Variants in MYO18B observed in about 807,000 individuals in gnomAD.
MYO18B encodes the protein myosin XVIIIB, also known as unconventional myosin-XVIIIb.
Under a neutral mutation model 273.0 loss-of-function variants are expected in MYO18B, and 204 were observed. The observed-to-expected ratio is 0.75, with a 90% CI of 0.67 to 0.84. The LOEUF (loss-of-function observed/expected upper bound fraction) is 0.84, where lower values mean the gene tolerates loss of function less well. Among genes scored for constraint, MYO18B ranks in the 40% least tolerant of loss-of-function variants. The pLI is 0.00. For synonymous variants in MYO18B, 1,330 were observed against 1,305.7 expected (o/e 1.02, Z -0.40); for missense variants, 3,212 against 3,287.6 (o/e 0.98, Z 0.56).
At chr22:25,865,098 C>T (rs2090848102) in intron 21 of MYO18B, among the ~76,000 whole-genome samples, 1 of 152,176 alleles carries the variant, frequency 6.6e-6, no homozygotes, top group South Asian at 2.1e-4. Context: ...ATAAAAATAA[C>T]AGCATTTAAG....
chr22:25,826,403 T>A lies in MYO18B; in HGVS notation c.2696-6T>A, dbSNP rs766922414. 2 of 1,608,706 alleles carry A rather than the reference T, an allele frequency of 1.2e-6. No homozygotes were observed. The highest frequency in any genetic ancestry group is 1.7e-5 in the Admixed American group (1 of 58,878). On this transcript the variant is annotated splice_region_variant and splice_polypyrimidine_tract_variant and intron_variant, in intron 13 of 43. Coordinates refer to ENST00000335473, the MANE Select transcript of MYO18B (RefSeq NM_032608.7). ...CCAAGAATGCTGATTCTGTCCTCTT[T>A]CCCAGGGCTCAAGATGACAGGAGTG... is the stretch of plus-strand genomic sequence containing the variant.
intron 43 of MYO18B, among the ~76,000 whole-genome samples, chr22:26,028,088 AC>A (rs1387377321): frequency 2.0e-5 from 3 of 152,080 alleles, no homozygotes; most frequent in African/African-American, 7.2e-5. Flanking sequence ...TACTAAAAAT[AC>A]AAAAAATTAG....
the MYO18B span, among the ~76,000 whole-genome samples, chr22:26,056,985 G>T: frequency 1.3e-5 from 2 of 152,144 alleles, no homozygotes; most frequent in Non-Finnish European, 2.9e-5. Flanking sequence ...TCTCAGAATG[G>T]CTTCACCTCC....
intron 15 of MYO18B, among the ~76,000 whole-genome samples, chr22:25,831,943 A>C (rs570922348): frequency 6.6e-6 from 1 of 152,324 alleles, no homozygotes; most frequent in South Asian, 2.1e-4. Context: ...CCCCATTAGC[A>C]ACTGGAAAAA....
intron 16 of MYO18B, 99 bp from the exon 17 acceptor site, chr22:25,835,197 G>C: frequency 7.1e-7 from 1 of 1,413,830 alleles, no homozygotes; most frequent in East Asian, 2.5e-5. Context: ...TGACACTTGG[G>C]ACTTGGATGC....
chr22:26,045,543 A>C, the MYO18B span, among the ~76,000 whole-genome samples: 2 of 152,162 alleles, frequency 1.3e-5, no homozygotes, highest in Non-Finnish European at 2.9e-5. Flanking sequence ...TCTGGAGCAA[A>C]AACTTTCCTA....
chr22:25,758,270 C>T (rs1226775391), intron 1 of MYO18B, among the ~76,000 whole-genome samples: 3 of 151,856 alleles, frequency 2.0e-5, no homozygotes, highest in African/African-American at 7.3e-5. Flanking sequence ...CCTCGGCCTC[C>T]CAAAAGGTTG....
At position 25,847,352 on chromosome 22, in the gene MYO18B, G is replaced by T. The variant is rs1388601613; in HGVS notation, c.3553-78G>T. ...CAAAGATGCTCAGGTTGGGCTTAAT[G>T]AATATTTGGAGAGGGTCCAGTCCCC... On this transcript the variant is annotated intron_variant, in intron 19 of 43. Transcript: ENST00000335473. 4 of 1,336,494 alleles carry T rather than the reference G, an allele frequency of 3.0e-6. No individual in the cohort carries two copies. The East Asian group carries it at 7.6e-5, about 25-fold the overall frequency. 82.8% of individuals were successfully genotyped at this position (1,336,494 alleles called of 1,614,324 possible). A position where few individuals can be genotyped will look rare whatever the true frequency, so the allele number is the denominator to read the frequency against.
At chr22:25,949,201 G>A (rs1378842044) in intron 36 of MYO18B, among the ~76,000 whole-genome samples, 1 of 152,190 alleles carries the variant, frequency 6.6e-6, no homozygotes, top group African/African-American at 2.4e-5. Flanking sequence ...CTCCATAAAG[G>A]CAGGACTCTC....
intron 11 of MYO18B, 85 bp from the exon 12 acceptor site, chr22:25,797,868 G>A (rs554219279): frequency 9.4e-6 from 15 of 1,593,662 alleles, no homozygotes; most frequent in Non-Finnish European, 1.3e-5. Context: ...GCATTCCTTC[G>A]AGACGGAGCT....
At chr22:25,823,914 C>T (rs922614881) in intron 13 of MYO18B, among the ~76,000 whole-genome samples, 12 of 152,122 alleles carry the variant, frequency 7.9e-5, no homozygotes, top group African/African-American at 2.4e-4. Flanking sequence ...CAGGGAGCCC[C>T]GCGCTGTGGG....
At chr22:25,973,311 T>G (rs2146747236) in intron 39 of MYO18B, among the ~76,000 whole-genome samples, 1 of 152,310 alleles carries the variant, frequency 6.6e-6, no homozygotes, top group East Asian at 1.9e-4. Flanking sequence ...CCTGAGCACA[T>G]CTGCCCTTCA....
At position 25,989,626 on chromosome 22, in the gene MYO18B, C is replaced by CAAA. The variant is rs56004208; in HGVS notation, c.6157-2713_6157-2711dup. The stretch of plus-strand genomic sequence containing the variant: ...TGAAACCCTGTCTCTACTAAAAATA[C>CAAA]AAAAAAAAAAAAAAAAAAAAAAAAA... On this transcript the variant is annotated intron_variant, in intron 39 of 43. Transcript: ENST00000335473. Among the ~76,000 whole-genome samples, 8 of 88,594 alleles carry CAAA rather than the reference C, an allele frequency of 9.0e-5. 1 individual carries two copies. The highest frequency in any genetic ancestry group is 4.8e-4 in the East Asian group (1 of 2,094). 58.1% of individuals were successfully genotyped at this position (88,594 alleles called of 152,430 possible).
intron 18 of MYO18B, among the ~76,000 whole-genome samples, chr22:25,844,385 C>T (rs1274369813): frequency 6.6e-6 from 1 of 151,558 alleles, no homozygotes; most frequent in Non-Finnish European, 1.5e-5. Flanking sequence ...TGTGTGCATG[C>T]ACACTCCCAA....
At chr22:25,895,095 C>G (rs531818096) in intron 27 of MYO18B, 61 bp from the exon 28 acceptor site, 3 of 1,567,846 alleles carry the variant, frequency 1.9e-6, no homozygotes, top group Non-Finnish European at 2.6e-6. Context: ...GAGAGCCACT[C>G]ACACTCTTGC....
intron 31 of MYO18B, among the ~76,000 whole-genome samples, chr22:25,905,496 A>C (rs1156508259): frequency 6.6e-6 from 1 of 152,118 alleles, no homozygotes; most frequent in African/African-American, 2.4e-5. Flanking sequence ...TCGTGACAGC[A>C]GGGTTGGGGG....
intron 21 of MYO18B, among the ~76,000 whole-genome samples, chr22:25,860,436 C>T (rs964350770): frequency 6.6e-6 from 1 of 151,688 alleles, no homozygotes; most frequent in Non-Finnish European, 1.5e-5. Context: ...AGGAATCTTG[C>T]TCAAATTATT....
rs959635009 is a variant in MYO18B, at chr22:25,792,484, TTTTTTTTCTTTTC to T, written c.2377-5461_2377-5449del. ...TGCGGGCACCTATGTGATGTTTCTT[TTTTTTTTCTTTTC>T]TTTTTTTTTTTTTTTTGAGACAGAG... On this transcript the variant is annotated intron_variant, in intron 11 of 43. Coordinates refer to ENST00000335473, the MANE Select transcript of MYO18B (RefSeq NM_032608.7). Among the ~76,000 whole-genome samples, 12 of 55,316 alleles carry T rather than the reference TTTTTTTTCTTTTC, an allele frequency of 2.2e-4. 1 individual carries two copies. The highest frequency in any genetic ancestry group is 1.8e-3 in the East Asian group (3 of 1,680). 36.3% of individuals were successfully genotyped at this position (55,316 alleles called of 152,430 possible). A position where few individuals can be genotyped will look rare whatever the true frequency, so the allele number is the denominator to read the frequency against.
At chr22:25,940,326 C>G (rs779936420) in intron 34 of MYO18B, among the ~76,000 whole-genome samples, 1 of 152,094 alleles carries the variant, frequency 6.6e-6, no homozygotes, top group Non-Finnish European at 1.5e-5. Flanking sequence ...CTGCACATGC[C>G]CTCTTGATTG....
Sources: gnomAD v4.1 joint callset for allele counts (sites outside exome capture counted in the v4.1 genomes callset) on GRCh38, gnomAD v4.1.1 for gene constraint, MANE v1.5 for transcripts, NCBI Gene and HGNC (gene_info 2026-07-23, HGNC 2026-07-21) for gene names.